RAB15: variants seen among roughly 807,000 people sequenced by gnomAD.
RAB15 encodes ras-related protein Rab-15.
A neutral mutation model predicts 31.8 loss-of-function variants in RAB15; 13 were observed. The ratio of observed to expected loss-of-function variants is 0.41; its 90% CI spans 0.27 to 0.65. The LOEUF (loss-of-function observed/expected upper bound fraction) is 0.65. RAB15 is among the 30% of genes least tolerant of loss of function. The probability of loss-of-function intolerance (pLI) is 0.32; values close to 1 mark genes in which losing one functional copy is unlikely to be tolerated. For synonymous variants in RAB15, 100 were observed against 105.6 expected (o/e 0.95, Z 0.33); for missense variants, 220 against 277.3 (o/e 0.79, Z 1.47).
intron 1 of RAB15, among the ~76,000 whole-genome samples, chr14:64,959,830 C>G (rs1431217398): frequency 8.5e-6 from 1 of 117,556 alleles, no homozygotes; most frequent in East Asian, 2.7e-4. Context: ...GCCTGAGTGA[C>G]AGAGCAGGAC....
rs1885940226 is a variant in RAB15 at position 64,946,719 on chromosome 14, TTGA to T, written c.*1632_*1634del. The T allele has an allele frequency of 2.0e-5, 3 of 152,304 alleles. No individual in the cohort carries two copies. Among genetic ancestry groups the T allele is most frequent in the South Asian group, 4.1e-4 (2 of 4,830 alleles). The allele number at this position is 152,304 out of a possible 1,614,324, so 9.4% of individuals were successfully genotyped here. A position where few individuals can be genotyped will look rare whatever the true frequency, so the allele number is the denominator to read the frequency against. ...GAGTGCCCTGGATTTTGGTTCTTAG[TTGA>T]TGAATACTCAACACCCAGTTCTTTG... On this transcript the variant is annotated 3_prime_UTR_variant, in exon 7 of 7. Coordinates refer to ENST00000533601, the MANE Select transcript of RAB15 (RefSeq NM_001308154.2).
At position 64,950,012 on chromosome 14, in the gene RAB15, T is replaced by C. The variant is rs1450483708; in HGVS notation, c.414+313A>G. Among the ~76,000 whole-genome samples the C allele has an allele frequency of 6.6e-6, 1 of 152,138 alleles. No homozygotes were observed. The highest frequency in any genetic ancestry group is 6.5e-5 in the Admixed American group (1 of 15,278). On this transcript the variant is annotated intron_variant, in intron 5 of 6. Transcript: ENST00000533601. The surrounding 1 kb of genome is among the most constrained non-coding windows in gnomAD (Gnocchi z 5.6). ...TGCTGTCAGAGAAGAGGTTGACAAC[T>C]TGAAGTCCTTCATTACTAACACGGG... is the stretch of plus-strand genomic sequence containing the variant.
chr14:64,951,171 AGAGAT>A lies in RAB15; in HGVS notation c.247-25_247-21del. On this transcript the variant is annotated intron_variant, in intron 3 of 6. Coordinates refer to ENST00000533601, the MANE Select transcript of RAB15 (RefSeq NM_001308154.2). The surrounding 1 kb of genome is among the most constrained non-coding windows in gnomAD (Gnocchi z 7.2). ...TATCCCCTGAGAGAGAGAGAAATAG[AGAGAT>A]GTGATATGCACAGAGAGAGTGCAGT... The A allele has an allele frequency of 6.3e-7, 1 of 1,598,572 alleles. No homozygotes were observed. The highest frequency in any genetic ancestry group is 8.6e-7 in the Non-Finnish European group (1 of 1,168,692).
chr14:64,949,736 A>G (rs1288154031), intron 5 of RAB15, among the ~76,000 whole-genome samples: 33 of 146,012 alleles, frequency 2.3e-4, no homozygotes, highest in South Asian at 6.3e-4. Context: ...AAAAAAAAAA[A>G]AAAGAAAGAA....
chr14:64,964,122 A>C (rs1161760563), intron 1 of RAB15, among the ~76,000 whole-genome samples: 4 of 152,234 alleles, frequency 2.6e-5, no homozygotes, highest in African/African-American at 9.6e-5. Context: ...ATGAAAGCAA[A>C]AATGAATGAG....
chr14:64,964,090 A>C (rs146106734), intron 1 of RAB15, among the ~76,000 whole-genome samples: 58 of 152,314 alleles, frequency 3.8e-4, no homozygotes, highest in African/African-American at 1.4e-3. Context: ...ATCACTAAAT[A>C]TTATTCAACA....
chr14:64,949,451 T>G (rs1009287110), intron 5 of RAB15, among the ~76,000 whole-genome samples: 1 of 152,218 alleles, frequency 6.6e-6, no homozygotes, highest in Non-Finnish European at 1.5e-5. Flanking sequence ...CTGGGCACAG[T>G]GGCTCACGCC....
intron 1 of RAB15, among the ~76,000 whole-genome samples, chr14:64,963,487 G>A (rs1291093907): frequency 1.3e-5 from 2 of 152,066 alleles, no homozygotes; most frequent in South Asian, 2.1e-4. Flanking sequence ...TAGGCCAGCG[G>A]GCACCACAGA....
rs1398010393 is a variant in RAB15 at position 64,947,443 on chromosome 14, G to C, written c.*911C>G. ...CCTTGGTCCACATCTTTAAATTTGG[G>C]AGCCAGGTGGAGAGAAATTGTGTTC... On this transcript the variant is annotated 3_prime_UTR_variant, in exon 7 of 7. Transcript: ENST00000533601. This position sits in a 1 kb window ranked among gnomAD's most constrained non-coding sequence, Gnocchi z 5.6. 3 of 152,714 alleles carry C rather than the reference G, an allele frequency of 2.0e-5. No homozygotes were observed. The highest frequency in any genetic ancestry group is 4.4e-5 in the Non-Finnish European group (3 of 68,126). The allele number at this position is 152,714 out of a possible 1,614,324, so 9.5% of individuals were successfully genotyped here. A position where few individuals can be genotyped will look rare whatever the true frequency, so the allele number is the denominator to read the frequency against.
In RAB15 at chr14:64,951,192, A is replaced by T. The variant is rs773502448; in HGVS notation, c.247-41T>A. On this transcript the variant is annotated intron_variant, in intron 3 of 6. Coordinates refer to ENST00000533601, the MANE Select transcript of RAB15 (RefSeq NM_001308154.2). This position sits in a 1 kb window ranked among gnomAD's most constrained non-coding sequence, Gnocchi z 7.2. ...ATAGAGAGATGTGATATGCACAGAG[A>T]GAGTGCAGTCATGGGGCCAGAAGGG... The T allele has an allele frequency of 2.0e-6, 3 of 1,531,844 alleles. No individual in the cohort carries two copies. Among genetic ancestry groups the T allele is most frequent in the African/African-American group, 2.7e-5 (2 of 73,516 alleles). 94.9% of individuals were successfully genotyped at this position (1,531,844 alleles called of 1,614,324 possible). A position where few individuals can be genotyped will look rare whatever the true frequency, so the allele number is the denominator to read the frequency against.
In RAB15 at chr14:64,962,521, G is replaced by A. The variant is rs1397473850; in HGVS notation, c.124+9432C>T. ...GCCATATGTGATAAGAAGCAACTGC[G>A]GGATAAAGTAGAGAGTGAGGAGACC... is the stretch of plus-strand genomic sequence containing the variant. On this transcript the variant is annotated intron_variant, in intron 1 of 6. Coordinates refer to ENST00000533601, the MANE Select transcript of RAB15 (RefSeq NM_001308154.2). This position sits in a 1 kb window ranked among gnomAD's most constrained non-coding sequence, Gnocchi z 4.2. Among the ~76,000 whole-genome samples the A allele has an allele frequency of 1.3e-5, 2 of 152,168 alleles. No homozygotes were observed. The highest frequency in any genetic ancestry group is 2.9e-5 in the Non-Finnish European group (2 of 68,032).
At chr14:64,960,062 C>T (rs1886772917) in intron 1 of RAB15, among the ~76,000 whole-genome samples, 1 of 152,182 alleles carries the variant, frequency 6.6e-6, no homozygotes, top group South Asian at 2.1e-4. Context: ...CATCCTCTTC[C>T]TGCTGTGACT....
rs573026663 is a variant in RAB15 at position 64,962,633 on chromosome 14, G to A, written c.124+9320C>T. 6.6e-6 allele frequency among the ~76,000 whole-genome samples: 1 copy of A among 152,312 alleles called. No individual in the cohort carries two copies. Among genetic ancestry groups the A allele is most frequent in the South Asian group, 2.1e-4 (1 of 4,826 alleles). ...GAGCTGAGACCTAAATGACAAGAAG[G>A]TGCCAGCAGGGAGATCCAAAGAATC... On this transcript the variant is annotated intron_variant, in intron 1 of 6. Transcript: ENST00000533601. The surrounding 1 kb of genome is among the most constrained non-coding windows in gnomAD (Gnocchi z 4.2).
In RAB15 at chr14:64,971,028, T is replaced by A. The variant is rs1887387809; in HGVS notation, c.124+925A>T. On this transcript the variant is annotated intron_variant, in intron 1 of 6. Coordinates refer to ENST00000533601, the MANE Select transcript of RAB15 (RefSeq NM_001308154.2). The surrounding 1 kb of genome is among the most constrained non-coding windows in gnomAD (Gnocchi z 4.1). ...CAGCCAGCAGGTGTTTCCAGGGGCC[T>A]GGGCAATGCAGAGGCTACTCCAGGG... Among the ~76,000 whole-genome samples the A allele has an allele frequency of 6.6e-6, 1 of 152,130 alleles. No homozygotes were observed. Among genetic ancestry groups the A allele is most frequent in the Non-Finnish European group, 1.5e-5 (1 of 68,022 alleles).
Position 64,955,924 on chromosome 14 carries a change from A to G in RAB15, c.125-3353T>C, listed in dbSNP as rs942625. Among the ~76,000 whole-genome samples, 9,658 of 152,270 alleles carry G rather than the reference A, an allele frequency of 0.063. 368 individuals carry two copies. Among genetic ancestry groups the G allele is most frequent in the South Asian group, 0.14 (661 of 4,830 alleles). On this transcript the variant is annotated intron_variant, in intron 1 of 6. Transcript: ENST00000533601. The surrounding 1 kb of genome is among the most constrained non-coding windows in gnomAD (Gnocchi z 4.4). Reference sequence around the variant, plus strand: ...TATTTCTCAAACTTCCAGGTGCATGAGAATCACGCGGGGATTGAGTTAAAA... The same window carrying G: ...TATTTCTCAAACTTCCAGGTGCATGGGAATCACGCGGGGATTGAGTTAAAA...
chr14:64,966,532 TAAATA>T (rs1887149634), intron 1 of RAB15, among the ~76,000 whole-genome samples: 2 of 144,936 alleles, frequency 1.4e-5, no homozygotes, highest in East Asian at 4.0e-4. Flanking sequence ...CAAAAAAAAA[TAAATA>T]AATAAATAAA....
rs1886190589 is a variant in RAB15 at position 64,950,497 on chromosome 14, C to T, written c.325-83G>A. The T allele has an allele frequency of 5.3e-6, 6 of 1,133,698 alleles. No individual in the cohort carries two copies. Among genetic ancestry groups the T allele is most frequent in the South Asian group, 4.9e-5 (4 of 81,316 alleles). The allele number at this position is 1,133,698 out of a possible 1,614,324, so 70.2% of individuals were successfully genotyped here. ...CCTACAGAGTCTGCACTGCCTCCAG[C>T]CCACCACCAATTCCAGAGCCCTAGG... On this transcript the variant is annotated intron_variant, in intron 4 of 6. Coordinates refer to ENST00000533601, the MANE Select transcript of RAB15 (RefSeq NM_001308154.2). The surrounding 1 kb of genome is among the most constrained non-coding windows in gnomAD (Gnocchi z 5.6).
At chr14:64,967,085 C>T (rs1486332507) in intron 1 of RAB15, among the ~76,000 whole-genome samples, 1 of 151,690 alleles carries the variant, frequency 6.6e-6, no homozygotes, top group Non-Finnish European at 1.5e-5. Context: ...GCAGCCAAGC[C>T]AGTCCCAGCA....
At position 64,972,116 on chromosome 14, in the gene RAB15, G is replaced by C. The variant is rs1386774476; in HGVS notation, c.-40C>G. The stretch of plus-strand genomic sequence containing the variant: ...GGGCCGGGAACTGCGGGCGGGCAGC[G>C]GGCTCAGCCCTGCTCCGCCGCTGCC... On this transcript the variant is annotated 5_prime_UTR_variant, in exon 1 of 7. Coordinates refer to ENST00000533601, the MANE Select transcript of RAB15 (RefSeq NM_001308154.2). This position sits in a 1 kb window ranked among gnomAD's most constrained non-coding sequence, Gnocchi z 6.3. The C allele has an allele frequency of 2.6e-6, 4 of 1,543,580 alleles. No individual in the cohort carries two copies. The South Asian group carries it at 4.7e-5, about 18-fold the overall frequency.
Sources: gnomAD v4.1 joint callset for allele counts (sites outside exome capture counted in the v4.1 genomes callset) on GRCh38, gnomAD v4.1.1 for gene constraint, Gnocchi (gnomAD v3.1) non-coding constraint, MANE v1.5 for transcripts, NCBI Gene and HGNC (gene_info 2026-07-23, HGNC 2026-07-21) for gene names.